Variants in RPSA2 observed in about 807,000 individuals in gnomAD.
RPSA2 encodes the protein ribosomal protein SA 2.
At chr19:23,847,562 G>A in the RPSA2 span, among the ~76,000 whole-genome samples, 148,906 of 152,270 alleles carry the variant, frequency 0.98, 72,899 homozygotes, top group Middle Eastern at 1. Context: ...CAAAGATCAC[G>A]TGCTTCAAAG....
At chr19:23,870,267 T>C in the RPSA2 span, among the ~76,000 whole-genome samples, 1 of 152,326 alleles carries the variant, frequency 6.6e-6, no homozygotes, top group African/African-American at 2.4e-5. Flanking sequence ...ACTGGAGGCA[T>C]GCAGCCAACT....
At chr19:23,852,744 G>A in the RPSA2 span, among the ~76,000 whole-genome samples, 1 of 152,162 alleles carries the variant, frequency 6.6e-6, no homozygotes, top group Non-Finnish European at 1.5e-5. Context: ...GGCCAGTCTT[G>A]GGGCCAGTTT....
At chr19:23,785,487 A>G in the RPSA2 span, among the ~76,000 whole-genome samples, 1 of 152,134 alleles carries the variant, frequency 6.6e-6, no homozygotes, top group African/African-American at 2.4e-5. Context: ...CCCAGGTACC[A>G]GACAATGTGT....
At chr19:23,855,016 C>CA in the RPSA2 span, among the ~76,000 whole-genome samples, 4 of 152,076 alleles carry the variant, frequency 2.6e-5, no homozygotes, top group East Asian at 3.9e-4. Context: ...GTAATTTAAC[C>CA]AAAAAATCAG....
At chr19:23,799,634 G>A in the RPSA2 span, among the ~76,000 whole-genome samples, 2 of 67,152 alleles carry the variant, frequency 3.0e-5, no homozygotes, top group Middle Eastern at 5.6e-3. Context: ...CAGAAGAGGG[G>A]AAGCCGGAGT....
chr19:23,812,567 G>T, the RPSA2 span, among the ~76,000 whole-genome samples: 4 of 151,690 alleles, frequency 2.6e-5, no homozygotes, highest in Non-Finnish European at 2.9e-5. Flanking sequence ...GGCAAATTTT[G>T]TATTTTTCTT....
chr19:23,778,405 G>T, the RPSA2 span, among the ~76,000 whole-genome samples: 3 of 152,054 alleles, frequency 2.0e-5, no homozygotes, highest in South Asian at 2.1e-4. Flanking sequence ...GTAGAGACAG[G>T]GTTTCTTCAT....
the RPSA2 span, among the ~76,000 whole-genome samples, chr19:23,790,294 G>A: frequency 1.2e-4 from 18 of 152,198 alleles, no homozygotes; most frequent in Admixed American, 3.3e-4. Flanking sequence ...GCTGGACCCG[G>A]CCTGATTTTC....
the RPSA2 span, among the ~76,000 whole-genome samples, chr19:23,860,531 A>G: frequency 6.6e-6 from 1 of 152,130 alleles, no homozygotes; most frequent in African/African-American, 2.4e-5. Context: ...GAATCATATT[A>G]TATCCATCTT....
At chr19:23,760,443 C>T in the RPSA2 span, among the ~76,000 whole-genome samples, 5 of 151,946 alleles carry the variant, frequency 3.3e-5, no homozygotes, top group South Asian at 4.2e-4. Flanking sequence ...ATGTCATGAA[C>T]GATGATGTTG....
the RPSA2 span, among the ~76,000 whole-genome samples, chr19:23,811,428 C>A: frequency 6.6e-6 from 1 of 152,082 alleles, no homozygotes; most frequent in Non-Finnish European, 1.5e-5. Flanking sequence ...CTGGTGTAAA[C>A]CATGATGCGT....
chr19:23,860,907 C>T, the RPSA2 span, among the ~76,000 whole-genome samples: 1 of 152,128 alleles, frequency 6.6e-6, no homozygotes, highest in Non-Finnish European at 1.5e-5. Flanking sequence ...CTTGCTCAGG[C>T]ACACTTATAA....
At chr19:23,851,129 A>G in the RPSA2 span, among the ~76,000 whole-genome samples, 3 of 152,208 alleles carry the variant, frequency 2.0e-5, no homozygotes, top group African/African-American at 7.2e-5. Context: ...ATAAAGCCTG[A>G]AAAGGTGTCT....
the RPSA2 span, chr19:23,827,007 A>G: frequency 4.7e-6 from 3 of 641,344 alleles, no homozygotes; most frequent in African/African-American, 1.8e-5. Context: ...TTATATTTCA[A>G]ATTATATCTA....
the RPSA2 span, among the ~76,000 whole-genome samples, chr19:23,822,435 T>C: frequency 1.3e-5 from 2 of 152,040 alleles, no homozygotes; most frequent in Non-Finnish European, 2.9e-5. Context: ...CCAGGTTGGA[T>C]TGTGCATTAG....
the RPSA2 span, among the ~76,000 whole-genome samples, chr19:23,840,118 AT>A: frequency 6.6e-6 from 1 of 152,232 alleles, no homozygotes; most frequent in Non-Finnish European, 1.5e-5. Context: ...TGATTCTCAA[AT>A]GAATGTGTCC....
At chr19:23,864,278 C>A in the RPSA2 span, among the ~76,000 whole-genome samples, 1 of 152,212 alleles carries the variant, frequency 6.6e-6, no homozygotes, top group Non-Finnish European at 1.5e-5. Flanking sequence ...ACTCAAATTA[C>A]TTCTTAAGTA....
At chr19:23,765,942 A>T in the RPSA2 span, among the ~76,000 whole-genome samples, 2 of 148,148 alleles carry the variant, frequency 1.3e-5, no homozygotes, top group African/African-American at 5.0e-5. Context: ...GGTGTGTAAA[A>T]AATTAATTTA....
At chr19:23,821,887 GC>G in the RPSA2 span, among the ~76,000 whole-genome samples, 2 of 152,152 alleles carry the variant, frequency 1.3e-5, no homozygotes, top group African/African-American at 4.8e-5. Flanking sequence ...TTTTTCCTAA[GC>G]CTCTGCTCTG....
Sources: gnomAD v4.1 joint callset for allele counts (sites outside exome capture counted in the v4.1 genomes callset) on GRCh38, gnomAD v4.1.1 for gene constraint, MANE v1.5 for transcripts, NCBI Gene and HGNC (gene_info 2026-07-23, HGNC 2026-07-21) for gene names.